Variants in CDYL observed in about 807,000 individuals in gnomAD.
The protein encoded by CDYL is chromodomain Y-like protein.
A neutral mutation model predicts 47.3 loss-of-function variants in CDYL; 8 were observed. That is an observed-to-expected ratio of 0.17 (90% CI 0.10 to 0.31). The LOEUF (loss-of-function observed/expected upper bound fraction) is 0.31. Ranked by LOEUF, CDYL falls within the 10% of genes least tolerant of loss-of-function variation. The pLI is 1.00. For synonymous variants in CDYL, 266 were observed against 265.0 expected (o/e 1.00, Z -0.04); for missense variants, 471 against 701.4 (o/e 0.67, Z 3.71).
intron 1 of CDYL, among the ~76,000 whole-genome samples, chr6:4,803,182 T>C (rs982069928): frequency 6.6e-6 from 1 of 152,164 alleles, no homozygotes; most frequent in African/African-American, 2.4e-5. Flanking sequence ...CTTCTAGTTT[T>C]GGCTGCTATT....
chr6:4,891,330 C>T (rs1424421203), intron 1 of CDYL, among the ~76,000 whole-genome samples: 1 of 152,288 alleles, frequency 6.6e-6, no homozygotes, highest in South Asian at 2.1e-4. Context: ...AGGCTGTTGC[C>T]TGGGTGCCCG....
intron 1 of CDYL, among the ~76,000 whole-genome samples, chr6:4,869,112 T>C (rs1451885150): frequency 6.6e-6 from 1 of 150,928 alleles, no homozygotes; most frequent in African/African-American, 2.5e-5. Context: ...TTTTTTTTTT[T>C]CGAGACGGAG....
At chr6:4,926,953 G>C (rs1481440077) in intron 2 of CDYL, among the ~76,000 whole-genome samples, 4 of 152,286 alleles carry the variant, frequency 2.6e-5, no homozygotes, top group South Asian at 2.1e-4. Context: ...TAGGAGCTCA[G>C]CATGTGTAAG....
At chr6:4,748,075 GCTT>G (rs372846062) in intron 3 of CDYL, among the ~76,000 whole-genome samples, 79 of 152,300 alleles carry the variant, frequency 5.2e-4, no homozygotes, top group African/African-American at 1.8e-3. Context: ...ATGTCAGGGA[GCTT>G]CTCGACACAC....
intron 1 of CDYL, among the ~76,000 whole-genome samples, chr6:4,861,832 TTC>T (rs556216964): frequency 9.4e-4 from 143 of 152,312 alleles, no homozygotes; most frequent in Non-Finnish European, 1.7e-3. Context: ...GCAGTTTGAC[TTC>T]TCCACTCAGC....
At chr6:4,898,089 C>T (rs1486059391) in intron 2 of CDYL, among the ~76,000 whole-genome samples, 2 of 151,978 alleles carry the variant, frequency 1.3e-5, no homozygotes, top group East Asian at 3.9e-4. Context: ...ATGGTGACTA[C>T]ATGCCCCCTG....
rs567972104 is a variant in CDYL, at chr6:4,829,332, A to T, written c.24+52525A>T. On this transcript the variant is annotated intron_variant, in intron 1 of 6. Coordinates refer to ENST00000397588, the MANE Select transcript of CDYL (RefSeq NM_004824.4). ...ATTCCTTATTGTTTGTGGTCACTGA[A>T]GCCTCTGTTCCTCAGATTGTGTTCC... is the stretch of plus-strand genomic sequence containing the variant. Among the ~76,000 whole-genome samples the T allele has an allele frequency of 2.6e-5, 4 of 152,280 alleles. No homozygotes were observed. In the South Asian group the frequency reaches 6.2e-4, roughly 24 times the overall value.
rs879809080 is a variant in CDYL at position 4,916,609 on chromosome 6, G to T, written c.692-18906G>T. Among the ~76,000 whole-genome samples, 4 of 152,004 alleles carry T rather than the reference G, an allele frequency of 2.6e-5. No individual in the cohort carries two copies. In the East Asian group the frequency reaches 7.7e-4, roughly 29 times the overall value. Reference sequence around the variant, plus strand: ...CTGGAAGGGTGACCAGATGTATCGGGGGGGGGCGGGCAGTTTCTGTCCCCT... The same window carrying T: ...CTGGAAGGGTGACCAGATGTATCGGTGGGGGGCGGGCAGTTTCTGTCCCCT... On this transcript the variant is annotated intron_variant, in intron 2 of 6. Coordinates refer to ENST00000397588, the MANE Select transcript of CDYL (RefSeq NM_004824.4).
At chr6:4,851,233 T>G (rs947145724) in intron 1 of CDYL, among the ~76,000 whole-genome samples, 4 of 152,244 alleles carry the variant, frequency 2.6e-5, no homozygotes, top group South Asian at 4.1e-4. Context: ...TTTTCCCATC[T>G]GTAAAATGGA....
At chr6:4,919,955 T>TGC (rs397745867) in intron 2 of CDYL, among the ~76,000 whole-genome samples, 5 of 151,556 alleles carry the variant, frequency 3.3e-5, no homozygotes, top group Non-Finnish European at 2.9e-5. Context: ...AACCCAAGTG[T>TGC]CTATCATCAG....
rs71540834 is a variant in CDYL, at chr6:4,894,834, CGTGT to C, written c.691+2474_691+2477del. Among the ~76,000 whole-genome samples the C allele has an allele frequency of 2.3e-3, 332 of 145,424 alleles. 1 individual carries two copies. Among genetic ancestry groups the C allele is most frequent in the African/African-American group, 6.1e-3 (233 of 38,456 alleles). On this transcript the variant is annotated intron_variant, in intron 2 of 6. Transcript: ENST00000397588. ...AGCCCCCTTTTTTGTCCACAAAAGT[CGTGT>C]GTGTGTGTGTGTGTGTGTATATGTG...
chr6:4,842,831 G>GT (rs1006053336), intron 1 of CDYL, among the ~76,000 whole-genome samples: 21 of 151,086 alleles, frequency 1.4e-4, no homozygotes, highest in East Asian at 5.8e-4. Context: ...ACCCTTGTGG[G>GT]TTTTTTTTTC....
intron 1 of CDYL, among the ~76,000 whole-genome samples, chr6:4,810,253 A>T (rs1333110125): frequency 6.6e-6 from 1 of 152,150 alleles, no homozygotes; most frequent in African/African-American, 2.4e-5. Flanking sequence ...CTCCTACTTC[A>T]CAAGATTTCA....
intron 1 of CDYL, among the ~76,000 whole-genome samples, chr6:4,819,160 C>CTGTGTG (rs1242099604): frequency 1.0e-4 from 13 of 124,100 alleles, no homozygotes; most frequent in African/African-American, 4.5e-4. Flanking sequence ...CTCTCTCTCT[C>CTGTGTG]TCTGTGTGTG....
intron 1 of CDYL, among the ~76,000 whole-genome samples, chr6:4,846,735 G>A (rs1760672166): frequency 1.3e-5 from 2 of 151,920 alleles, no homozygotes; most frequent in South Asian, 4.2e-4. Context: ...AACTCAAACT[G>A]GCTTATTTTA....
rs75719014 is a variant in CDYL, at chr6:4,842,768, G to T, written c.25-48945G>T. ...ATTTCAGTTACTATTGAGATGCTAG[G>T]TATTATTCTATTCATTGTGCTATGA... On this transcript the variant is annotated intron_variant, in intron 1 of 6. Coordinates refer to ENST00000397588, the MANE Select transcript of CDYL (RefSeq NM_004824.4). Among the ~76,000 whole-genome samples, 136 of 152,094 alleles carry T rather than the reference G, an allele frequency of 8.9e-4. 2 individuals are homozygous for T. The East Asian group carries it at 0.022, about 25-fold the overall frequency.
intron 1 of CDYL, among the ~76,000 whole-genome samples, chr6:4,867,168 T>C (rs1761346764): frequency 6.6e-6 from 1 of 152,282 alleles, no homozygotes. Context: ...TCATTTCTAA[T>C]GTTTTGTTTG....
At chr6:4,842,629 C>T (rs1186841358) in intron 1 of CDYL, among the ~76,000 whole-genome samples, 1 of 152,086 alleles carries the variant, frequency 6.6e-6, no homozygotes, top group African/African-American at 2.4e-5. Context: ...ATGTCTGTTT[C>T]ACCCGTTTAC....
chr6:4,888,609 T>C (rs114853940), intron 1 of CDYL, among the ~76,000 whole-genome samples: 3 of 152,314 alleles, frequency 2.0e-5, no homozygotes, highest in South Asian at 2.1e-4. Context: ...TTTTAAAATA[T>C]TGCTTTTCAG....
Sources: gnomAD v4.1 joint callset for allele counts (sites outside exome capture counted in the v4.1 genomes callset) on GRCh38, gnomAD v4.1.1 for gene constraint, MANE v1.5 for transcripts, NCBI Gene and HGNC (gene_info 2026-07-23, HGNC 2026-07-21) for gene names.